The following LMAN2L variants were observed in gnomAD, a reference collection of about 807,000 sequenced individuals.
LMAN2L encodes lectin, mannose binding 2 like, also known as VIP36-like protein.
Under a neutral mutation model 44.3 loss-of-function variants are expected in LMAN2L, and 30 were observed. The ratio of observed to expected loss-of-function variants is 0.68; its 90% CI spans 0.51 to 0.92. LMAN2L has a LOEUF of 0.92. LMAN2L is among the 40% of genes least tolerant of loss of function. LMAN2L has a pLI of 0.00. For synonymous variants in LMAN2L, 183 were observed against 171.1 expected (o/e 1.07, Z -0.54); for missense variants, 429 against 446.1 (o/e 0.96, Z 0.35).
In LMAN2L at chr2:96,727,626, T is replaced by A. The variant is rs116559072; in HGVS notation, c.507+5893A>T. ...CTATGATTTTCCCAATATTTTCTCA[T>A]GAACAAATGTGGTAAGAGGTTGAGC... On this transcript the variant is annotated intron_variant, in intron 4 of 7. Coordinates refer to ENST00000264963, the MANE Select transcript of LMAN2L (RefSeq NM_030805.4). 3.5e-3 allele frequency among the ~76,000 whole-genome samples: 526 copies of A among 152,322 alleles called. 3 individuals carry two copies. The highest frequency in any genetic ancestry group is 0.012 in the African/African-American group (493 of 41,576).
intron 4 of LMAN2L, among the ~76,000 whole-genome samples, chr2:96,728,745 T>C (rs1044952726): frequency 3.3e-5 from 5 of 151,224 alleles, no homozygotes; most frequent in Admixed American, 1.3e-4. Context: ...GGGTGGAGTG[T>C]GCCTGAAATC....
In LMAN2L at chr2:96,733,504, G is replaced by A. The variant is rs963986138; in HGVS notation, c.507+15C>T. ...TGTCAGTGTAGCTGACCTAGGCTCT[G>A]ACACTTGCCATTACCTCTTGCTGCT... On this transcript the variant is annotated intron_variant, in intron 4 of 7. Transcript: ENST00000264963. 3 of 1,601,058 alleles carry A rather than the reference G, an allele frequency of 1.9e-6. No individual in the cohort carries two copies. Among genetic ancestry groups the A allele is most frequent in the African/African-American group, 1.3e-5 (1 of 74,706 alleles).
chr2:96,710,021 C>G (rs1167255135), intron 6 of LMAN2L, among the ~76,000 whole-genome samples: 1 of 152,186 alleles, frequency 6.6e-6, no homozygotes, highest in Non-Finnish European at 1.5e-5. Flanking sequence ...TAGCAAAGAT[C>G]TCCAGCCTAT....
chr2:96,718,364 A>G (rs746221757), intron 4 of LMAN2L, among the ~76,000 whole-genome samples: 20 of 152,226 alleles, frequency 1.3e-4, no homozygotes, highest in Non-Finnish European at 1.9e-4. Context: ...ATTTTTCTAT[A>G]TATCTGCAAT....
chr2:96,724,420 C>A (rs1266961530), intron 4 of LMAN2L, among the ~76,000 whole-genome samples: 1 of 152,228 alleles, frequency 6.6e-6, no homozygotes, highest in Non-Finnish European at 1.5e-5. Flanking sequence ...GTACTGCTAT[C>A]TTAACAATAC....
chr2:96,735,726 T>C (rs945115937), intron 2 of LMAN2L, among the ~76,000 whole-genome samples: 2 of 151,410 alleles, frequency 1.3e-5, no homozygotes, highest in African/African-American at 4.9e-5. Context: ...GAGTCCTAGC[T>C]ACTCAGGAGG....
At chr2:96,736,701 T>C (rs1313899973) in intron 2 of LMAN2L, among the ~76,000 whole-genome samples, 1 of 152,234 alleles carries the variant, frequency 6.6e-6, no homozygotes, top group Admixed American at 6.5e-5. Context: ...AAAACAGGTA[T>C]TCTGAAGCTC....
Position 96,737,960 on chromosome 2 carries a change from A to C in LMAN2L, c.295T>G (p.Trp99Gly). 1 of 1,611,640 alleles carries C rather than the reference A, an allele frequency of 6.2e-7. No homozygotes were observed. Residue 99 changes from tryptophan (W) to glycine (G), a missense_variant, in exon 2 of 8, where the codon TGG becomes GGG. Transcript: ENST00000264963. The stretch of plus-strand genomic sequence containing the variant: ...AGAAAGATTCTTACCACCCGGTTCC[A>C]CAAGGCACCCTGTTTACTTTGCATA... ...PDMQSKQGALWNRVPCFLRDW... is the reference protein window; with the variant it reads ...PDMQSKQGALGNRVPCFLRDW...
chr2:96,726,812 G>A (rs1404109841), intron 4 of LMAN2L, among the ~76,000 whole-genome samples: 3 of 149,050 alleles, frequency 2.0e-5, no homozygotes, highest in Middle Eastern at 3.6e-3. Context: ...GGGTGCAGTG[G>A]CTCACTCACA....
intron 2 of LMAN2L, among the ~76,000 whole-genome samples, chr2:96,735,526 C>T (rs1174692128): frequency 6.6e-6 from 1 of 152,222 alleles, no homozygotes; most frequent in Non-Finnish European, 1.5e-5. Flanking sequence ...ATTCTTATCT[C>T]TCTGCTGTTT....
In LMAN2L at chr2:96,734,505, C is replaced by T; in HGVS notation, c.328G>A (p.Glu110Lys). The T allele has an allele frequency of 6.2e-7, 1 of 1,611,444 alleles. No individual in the cohort carries two copies. Among genetic ancestry groups the T allele is most frequent in the Non-Finnish European group, 8.5e-7 (1 of 1,177,554 alleles). Residue 110 changes from glutamate to lysine, a missense_variant, in exon 3 of 8, where the codon GAG becomes AAG. Transcript: ENST00000264963. ...NRVPCFLRDWELQVHFKIHGQ... is the reference protein window; with the variant it reads ...NRVPCFLRDWKLQVHFKIHGQ... ...TGGATTTTGAAGTGCACCTGCAACTCCCAGTCTCTCAGGAAACATGGCTAA... is the reference window on the plus strand; with the variant it reads ...TGGATTTTGAAGTGCACCTGCAACTTCCAGTCTCTCAGGAAACATGGCTAA...
At chr2:96,718,116 C>T (rs112455773) in intron 4 of LMAN2L, among the ~76,000 whole-genome samples, 3,407 of 152,102 alleles carry the variant, frequency 0.022, 127 homozygotes, top group African/African-American at 0.076. Flanking sequence ...CCACCAAGCC[C>T]GGCTAATTTT....
intron 6 of LMAN2L, among the ~76,000 whole-genome samples, chr2:96,708,561 T>C (rs1490988137): frequency 1.3e-5 from 2 of 152,110 alleles, no homozygotes; most frequent in Non-Finnish European, 2.9e-5. Flanking sequence ...CACAATTAAA[T>C]CCCATATGTT....
chr2:96,728,085 C>A (rs1373438652), intron 4 of LMAN2L, among the ~76,000 whole-genome samples: 3 of 152,190 alleles, frequency 2.0e-5, no homozygotes. Flanking sequence ...GTAAACCATG[C>A]CACTGACAAA....
chr2:96,739,955 A>G lies in LMAN2L; in HGVS notation c.86T>C (p.Leu29Pro). Reference sequence around the variant, plus strand: ...CTGCCCAGACCCCAACAAAAGAAGAAGGAGTAACATCCTGGACCCATCCCG... The same window carrying G: ...CTGCCCAGACCCCAACAAAAGAAGAGGGAGTAACATCCTGGACCCATCCCG... ...SARDGSRMLLLLLLLGSGQGP... is the reference protein window; with the variant it reads ...SARDGSRMLLPLLLLGSGQGP... The change falls in exon 1 of 8, where the codon CTT becomes CCT. Residue 29 changes from leucine (L) to proline (P), a missense_variant. Leu to Pro is a moderately conservative substitution (Grantham distance 98). Coordinates refer to ENST00000264963, the MANE Select transcript of LMAN2L (RefSeq NM_030805.4). 1 of 1,614,004 alleles carries G rather than the reference A, an allele frequency of 6.2e-7. No individual in the cohort carries two copies. The highest frequency in any genetic ancestry group is 8.5e-7 in the Non-Finnish European group (1 of 1,180,022).
intron 4 of LMAN2L, among the ~76,000 whole-genome samples, chr2:96,725,325 C>T (rs1244168743): frequency 6.6e-6 from 1 of 152,160 alleles, no homozygotes; most frequent in Non-Finnish European, 1.5e-5. Context: ...ATTTCAAACA[C>T]CTGGCCTAAG....
intron 6 of LMAN2L, 45 bp from the exon 7 acceptor site, chr2:96,707,878 A>G: frequency 6.2e-7 from 1 of 1,603,076 alleles, no homozygotes. Flanking sequence ...CTTGAAAAAG[A>G]GGTATGTTTC....
intron 4 of LMAN2L, among the ~76,000 whole-genome samples, chr2:96,728,294 C>T (rs1317183650): frequency 3.3e-5 from 5 of 151,778 alleles, no homozygotes; most frequent in South Asian, 4.2e-4. Flanking sequence ...GAGAGGAGAT[C>T]GAGACCATCC....
rs747490165 is a variant in LMAN2L, at chr2:96,739,953, G to A, written c.88C>T (p.Leu30Phe). ...ARDGSRMLLL[L>F]LLLGSGQGPQ... The stretch of plus-strand genomic sequence containing the variant: ...CCCTGCCCAGACCCCAACAAAAGAA[G>A]AAGGAGTAACATCCTGGACCCATCC... The change falls in exon 1 of 8, where the codon CTT becomes TTT. Residue 30 changes from leucine to phenylalanine, a missense_variant. Physicochemically the swap from Leu to Phe is conservative, Grantham distance 22. Transcript: ENST00000264963. 5.0e-6 allele frequency: 8 copies of A among 1,613,888 alleles called. No individual in the cohort carries two copies. The African/African-American group carries it at 1.1e-4, about 22-fold the overall frequency.
Sources: allele counts gnomAD v4.1 joint callset (sites outside exome capture counted in the v4.1 genomes callset), GRCh38; gene constraint gnomAD v4.1.1; transcripts MANE v1.5; gene names NCBI Gene and HGNC (gene_info 2026-07-23, HGNC 2026-07-21).